Variants in LMBRD2 observed in about 807,000 individuals in gnomAD.
LMBRD2 encodes the protein LMBR1 domain containing 2, also known as G protein-coupled receptor-associated protein LMBRD2.
In LMBRD2, 55 loss-of-function variants were observed where a neutral mutation model predicts 94.4. The observed-to-expected ratio is 0.58, with a 90% CI of 0.47 to 0.73. The LOEUF (loss-of-function observed/expected upper bound fraction) is 0.73. Ranked by LOEUF, LMBRD2 falls within the 30% of genes least tolerant of loss-of-function variation. LMBRD2 has a pLI of 0.00. For synonymous variants in LMBRD2, 246 were observed against 272.4 expected (o/e 0.90, Z 0.95); for missense variants, 640 against 831.9 (o/e 0.77, Z 2.84).
In LMBRD2 at chr5:36,136,539, G is replaced by T. The variant is rs1279119462; in HGVS notation, c.537-20C>A. 1 of 1,587,774 alleles carries T rather than the reference G, an allele frequency of 6.3e-7. No homozygotes were observed. Among genetic ancestry groups the T allele is most frequent in the South Asian group, 1.1e-5 (1 of 90,560 alleles). ...TGGTTCCTAAGAAAGGGAAACAACA[G>T]ATAATATGTATATTTTAATGGAAAG... On this transcript the variant is annotated intron_variant, in intron 5 of 17. Coordinates refer to ENST00000296603, the MANE Select transcript of LMBRD2 (RefSeq NM_001007527.2).
chr5:36,137,590 T>G, intron 4 of LMBRD2, 149 bp from the exon 5 acceptor site: 1 of 486,290 alleles, frequency 2.1e-6, no homozygotes. Flanking sequence ...ACTTAATAAC[T>G]ATAATAGATG....
In LMBRD2 at chr5:36,101,218, C is replaced by CA. The variant is rs1451024620; in HGVS notation, c.*2827dup. 1.3e-5 allele frequency: 2 copies of CA among 151,588 alleles called. No individual in the cohort carries two copies. Among genetic ancestry groups the CA allele is most frequent in the Non-Finnish European group, 3.0e-5 (2 of 67,770 alleles). 9.4% of individuals were successfully genotyped at this position (151,588 alleles called of 1,614,324 possible). A position where few individuals can be genotyped will look rare whatever the true frequency, so the allele number is the denominator to read the frequency against. ...AACTTATTCTTTCTTTTGTTTTTTA[C>CA]AAAAATGCTCTATTGATAACAAGTT... On this transcript the variant is annotated 3_prime_UTR_variant, in exon 18 of 18. Coordinates refer to ENST00000296603, the MANE Select transcript of LMBRD2 (RefSeq NM_001007527.2).
chr5:36,140,001 C>G (rs1333230989), intron 4 of LMBRD2, among the ~76,000 whole-genome samples: 1 of 152,212 alleles, frequency 6.6e-6, no homozygotes, highest in African/African-American at 2.4e-5. Flanking sequence ...TGCCATGTTG[C>G]AGGTGACGAG....
chr5:36,150,365 T>C (rs1425732977), intron 1 of LMBRD2, among the ~76,000 whole-genome samples: 1 of 152,222 alleles, frequency 6.6e-6, no homozygotes, highest in African/African-American at 2.4e-5. Context: ...GATCTATATC[T>C]GAAGTGGGCT....
At position 36,104,092 on chromosome 5, in the gene LMBRD2, C is replaced by T; in HGVS notation, c.2042G>A (p.Gly681Glu). The T allele has an allele frequency of 6.2e-7, 1 of 1,609,966 alleles. No homozygotes were observed. Among genetic ancestry groups the T allele is most frequent in the Non-Finnish European group, 8.5e-7 (1 of 1,177,138 alleles). The stretch of plus-strand genomic sequence containing the variant: ...ACTGCGAGACATCGAGAGATATCGT[C>T]CACCAGGCTGATACCTAAAAAGGGA... Reference protein sequence around the residue: ...ESESGRYQPGGRYLSMSRSDI... With the variant: ...ESESGRYQPGERYLSMSRSDI... The change falls in exon 18 of 18, where the codon GGA (glycine) becomes GAA (glutamate). Residue 681 changes from glycine to glutamate, a missense_variant. Around this residue, in one of 2 missense-constraint regions of LMBRD2, gnomAD observed 183 missense variants for 189.1 expected, o/e 0.97. Transcript: ENST00000296603.
chr5:36,124,827 T>A (rs1165748905), intron 6 of LMBRD2, among the ~76,000 whole-genome samples: 1 of 152,060 alleles, frequency 6.6e-6, no homozygotes, highest in Non-Finnish European at 1.5e-5. Context: ...GACAGGTGGA[T>A]CACTTGAGTC....
At chr5:36,111,357 G>A (rs1743601489) in intron 13 of LMBRD2, 99 bp from the exon 14 acceptor site, 2 of 806,888 alleles carry the variant, frequency 2.5e-6, no homozygotes, top group South Asian at 3.0e-5. Context: ...AGAAGACTAT[G>A]CTTCATTATC....
chr5:36,120,082 C>T (rs1430641968), intron 9 of LMBRD2, among the ~76,000 whole-genome samples: 10 of 142,322 alleles, frequency 7.0e-5, no homozygotes, highest in African/African-American at 1.8e-4. Flanking sequence ...TTTTTTTTGA[C>T]GGAGTCTCAT....
intron 2 of LMBRD2, among the ~76,000 whole-genome samples, chr5:36,142,926 C>T (rs569362073): frequency 6.6e-5 from 10 of 151,992 alleles, no homozygotes; most frequent in East Asian, 3.9e-4. Context: ...GGTGTTTCAC[C>T]GTGTTAGCCA....
intron 14 of LMBRD2, among the ~76,000 whole-genome samples, chr5:36,110,662 A>C (rs1048153934): frequency 1.3e-5 from 2 of 152,026 alleles, no homozygotes; most frequent in African/African-American, 4.8e-5. Context: ...CCTCCATGCT[A>C]TCATCACTTT....
In LMBRD2 at chr5:36,116,533, TC is replaced by T; in HGVS notation, c.1362del (p.Ile455PhefsTer30). The T allele has an allele frequency of 6.2e-7, 1 of 1,613,066 alleles. No individual in the cohort carries two copies. The highest frequency in any genetic ancestry group is 8.5e-7 in the Non-Finnish European group (1 of 1,179,288). On this transcript the variant is annotated frameshift_variant, in exon 11 of 18. Transcript: ENST00000296603. LOFTEE classifies it high-confidence loss of function. ...AAATAATAATAGTTAAATACACGAA[TC>T]CTGAACACAGTAGAATAAACACAGA... is the stretch of plus-strand genomic sequence containing the variant. ...LSICVYSTVF[R>X]IRVFNYYYLA...
chr5:36,103,044 A>T lies in LMBRD2; in HGVS notation c.*1002T>A, dbSNP rs1014616316. On this transcript the variant is annotated 3_prime_UTR_variant, in exon 18 of 18. Transcript: ENST00000296603. ...AAGAATGTTTAACCAACAAGTTATT[A>T]CACATTTCCATTCTAATATAGTTTT... The T allele has an allele frequency of 3.9e-5, 6 of 152,032 alleles. No individual in the cohort carries two copies. The highest frequency in any genetic ancestry group is 1.4e-4 in the African/African-American group (6 of 41,434). The allele number at this position is 152,032 out of a possible 1,614,324, so 9.4% of individuals were successfully genotyped here. A position where few individuals can be genotyped will look rare whatever the true frequency, so the allele number is the denominator to read the frequency against.
intron 11 of LMBRD2, among the ~76,000 whole-genome samples, chr5:36,116,067 T>C (rs1212812857): frequency 2.0e-5 from 3 of 152,196 alleles, no homozygotes; most frequent in African/African-American, 7.2e-5. Context: ...AAATCCTCTC[T>C]GAATTCCTCA....
intron 7 of LMBRD2, 99 bp from the exon 8 acceptor site, chr5:36,123,060 T>C: frequency 7.5e-6 from 9 of 1,200,802 alleles, no homozygotes; most frequent in Non-Finnish European, 9.9e-6. Context: ...GTTCTAATTT[T>C]CTCAAAAACA....
At chr5:36,132,370 T>C (rs1579519068) in intron 6 of LMBRD2, among the ~76,000 whole-genome samples, 1 of 151,706 alleles carries the variant, frequency 6.6e-6, no homozygotes, top group East Asian at 1.9e-4. Flanking sequence ...AAGAAAGCAT[T>C]GGAGAAACTC....
chr5:36,111,009 T>C (rs1743591467), intron 14 of LMBRD2, 146 bp downstream of exon 14: 1 of 582,548 alleles, frequency 1.7e-6, no homozygotes. Flanking sequence ...AAGGCCATTG[T>C]ACATTTTTAG....
intron 1 of LMBRD2, among the ~76,000 whole-genome samples, chr5:36,145,586 G>A (rs1362604692): frequency 6.6e-6 from 1 of 152,174 alleles, no homozygotes; most frequent in Non-Finnish European, 1.5e-5. Flanking sequence ...TGCAGAATGT[G>A]CTGATAACAA....
chr5:36,150,009 C>A (rs2111924174), intron 1 of LMBRD2, among the ~76,000 whole-genome samples: 1 of 152,340 alleles, frequency 6.6e-6, no homozygotes, highest in African/African-American at 2.4e-5. Context: ...ACCTACTAAT[C>A]TCGTCTTCAA....
intron 6 of LMBRD2, among the ~76,000 whole-genome samples, chr5:36,127,763 G>GT (rs1263767129): frequency 6.6e-6 from 1 of 152,194 alleles, no homozygotes; most frequent in African/African-American, 2.4e-5. Context: ...GATTCCTACA[G>GT]TTTTTGGCTC....
Sources: gnomAD v4.1 joint callset for allele counts (sites outside exome capture counted in the v4.1 genomes callset) on GRCh38, gnomAD v4.1.1 for gene constraint, gnomAD v4.1.1 regional missense constraint, MANE v1.5 for transcripts, NCBI Gene and HGNC (gene_info 2026-07-23, HGNC 2026-07-21) for gene names.